Variants in PDCD1LG2 observed in about 807,000 individuals in gnomAD.
The protein encoded by PDCD1LG2 is B7 dendritic cell molecule.
A neutral mutation model predicts 28.2 loss-of-function variants in PDCD1LG2; 32 were observed. The ratio of observed to expected loss-of-function variants is 1.13; its 90% CI spans 0.86 to 1.52. The LOEUF (loss-of-function observed/expected upper bound fraction) is 1.52, where lower values mean the gene tolerates loss of function less well. Among genes scored for constraint, PDCD1LG2 ranks in the 40% most tolerant of loss-of-function variants. PDCD1LG2 has a pLI of 0.00. For synonymous variants in PDCD1LG2, 116 were observed against 120.2 expected, an observed-to-expected ratio of 0.97 and a Z score of 0.23; for missense variants, 385 against 323.8, an observed-to-expected ratio of 1.19 and a Z score of -1.45.
At chr9:5,548,121 C>G (rs142096015) in intron 3 of PDCD1LG2, among the ~76,000 whole-genome samples, 2 of 152,044 alleles carry the variant, frequency 1.3e-5, no homozygotes, top group South Asian at 4.1e-4. Context: ...GGCAATAGAT[C>G]ACTAAAACAT....
chr9:5,534,647 T>A (rs1563825504), intron 2 of PDCD1LG2, 98 bp from the exon 3 acceptor site: 2 of 1,121,094 alleles, frequency 1.8e-6, no homozygotes, highest in East Asian at 4.9e-5. Flanking sequence ...AGGTGCCTTT[T>A]GGAAAATGGG....
At chr9:5,523,548 C>T (rs963932779) in intron 2 of PDCD1LG2, among the ~76,000 whole-genome samples, 6 of 152,220 alleles carry the variant, frequency 3.9e-5, no homozygotes, top group Non-Finnish European at 8.8e-5. Flanking sequence ...TAGAGACATG[C>T]ACTTGGGGCC....
chr9:5,534,430 TG>T (rs1354000623), intron 2 of PDCD1LG2, among the ~76,000 whole-genome samples: 1 of 151,882 alleles, frequency 6.6e-6, no homozygotes, highest in Non-Finnish European at 1.5e-5. Flanking sequence ...GGACTGGAGG[TG>T]GGAGAGGCCT....
In PDCD1LG2 at chr9:5,534,924, C is replaced by G. The variant is rs56072800; in HGVS notation, c.235C>G (p.Gln79Glu). 5.1e-3 allele frequency: 8,210 copies of G among 1,614,104 alleles called. 27 individuals carry two copies. The highest frequency in any genetic ancestry group is 6.2e-3 in the Non-Finnish European group (7,266 of 1,180,010). The change falls in exon 3 of 7, where the codon CAG (glutamine) becomes GAG (glutamate). Residue 79 changes from glutamine (Q) to glutamate (E), a missense_variant. By Grantham distance (29) the Gln-to-Glu change is conservative (BLOSUM62 2). Transcript: ENST00000397747. Reference sequence around the variant, plus strand: ...TGAAAGAGCCACTTTGCTGGAGGAGCAGCTGCCCCTAGGGAAGGCCTCGTT... The same window carrying G: ...TGAAAGAGCCACTTTGCTGGAGGAGGAGCTGCCCCTAGGGAAGGCCTCGTT... The part of the protein sequence containing the change: ...HRERATLLEE[Q>E]LPLGKASFHI...
chr9:5,542,272 C>T (rs1409268165), intron 3 of PDCD1LG2, among the ~76,000 whole-genome samples: 1 of 152,152 alleles, frequency 6.6e-6, no homozygotes, highest in Non-Finnish European at 1.5e-5. Context: ...TTAGCTTAGG[C>T]AAAGACTTCG....
At chr9:5,541,930 C>A (rs1381390786) in intron 3 of PDCD1LG2, among the ~76,000 whole-genome samples, 2 of 152,150 alleles carry the variant, frequency 1.3e-5, no homozygotes, top group Admixed American at 6.5e-5. Flanking sequence ...TAACTTCAAA[C>A]CATACTATAA....
chr9:5,532,289 C>T (rs972921975), intron 2 of PDCD1LG2, among the ~76,000 whole-genome samples: 9 of 152,172 alleles, frequency 5.9e-5, no homozygotes, highest in Admixed American at 4.6e-4. Context: ...TAGAAAGGCA[C>T]ATTAATGTTC....
rs955093185 is a variant in PDCD1LG2 at position 5,570,195 on chromosome 9, T to G, written c.*236T>G. 2 of 479,352 alleles carry G rather than the reference T, an allele frequency of 4.2e-6. No individual in the cohort carries two copies. The highest frequency in any genetic ancestry group is 5.9e-5 in the East Asian group (2 of 34,024). 29.7% of individuals were successfully genotyped at this position (479,352 alleles called of 1,614,324 possible). A position where few individuals can be genotyped will look rare whatever the true frequency, so the allele number is the denominator to read the frequency against. ...GCCTATGGCTTTAAGCAAGCACTAC[T>G]GCACTTTACAGAATTACCCCACTGG... is the stretch of plus-strand genomic sequence containing the variant. On this transcript the variant is annotated 3_prime_UTR_variant, in exon 7 of 7. Transcript: ENST00000397747.
intron 4 of PDCD1LG2, among the ~76,000 whole-genome samples, chr9:5,553,296 G>T (rs1267300160): frequency 2.0e-5 from 3 of 152,190 alleles, no homozygotes; most frequent in Admixed American, 2.0e-4. Flanking sequence ...CCTCATGAAA[G>T]ATGAACTCTA....
chr9:5,531,848 A>G (rs1263083285), intron 2 of PDCD1LG2, among the ~76,000 whole-genome samples: 3 of 152,246 alleles, frequency 2.0e-5, no homozygotes, highest in Non-Finnish European at 4.4e-5. Context: ...AAACAAGAGA[A>G]GTATTATAGA....
intron 4 of PDCD1LG2, among the ~76,000 whole-genome samples, chr9:5,552,014 C>T (rs1816344650): frequency 6.6e-6 from 1 of 152,190 alleles, no homozygotes; most frequent in South Asian, 2.1e-4. Flanking sequence ...CCTCACCTAA[C>T]ACCCCAGATG....
chr9:5,559,539 T>A lies in PDCD1LG2; in HGVS notation c.766+1787T>A, dbSNP rs528375108. ...TTTCTGACCTTGTACAAATTGCCTATCTTCTTTGAGATGGTCTTTCTATCT... is the reference window on the plus strand; with the variant it reads ...TTTCTGACCTTGTACAAATTGCCTAACTTCTTTGAGATGGTCTTTCTATCT... On this transcript the variant is annotated intron_variant, in intron 5 of 6. Transcript: ENST00000397747. Among the ~76,000 whole-genome samples the A allele has an allele frequency of 5.9e-5, 9 of 152,284 alleles. No individual in the cohort carries two copies. The East Asian group carries it at 1.7e-3, about 29-fold the overall frequency.
chr9:5,510,945 G>A (rs922528960), intron 1 of PDCD1LG2, 142 bp downstream of exon 1: 1 of 152,532 alleles, frequency 6.6e-6, no homozygotes, highest in African/African-American at 2.4e-5. Flanking sequence ...TTGTGCTGAG[G>A]GGCACAAATA....
chr9:5,565,449 G>T (rs544288381), intron 6 of PDCD1LG2, among the ~76,000 whole-genome samples: 144 of 152,308 alleles, frequency 9.5e-4, no homozygotes, highest in Non-Finnish European at 1.8e-3. Flanking sequence ...CTCCCAAAGT[G>T]CTGGGATTCC....
chr9:5,518,107 C>T (rs546805741), intron 1 of PDCD1LG2, among the ~76,000 whole-genome samples: 16 of 152,292 alleles, frequency 1.1e-4, no homozygotes, highest in South Asian at 2.1e-4. Context: ...GTGGGTGTTG[C>T]TACTATTAGC....
chr9:5,568,975 A>T (rs1345663574), intron 6 of PDCD1LG2, among the ~76,000 whole-genome samples: 4 of 152,200 alleles, frequency 2.6e-5, no homozygotes, highest in African/African-American at 9.7e-5. Context: ...GAAGAAATGG[A>T]AACAGCAAAC....
At chr9:5,546,567 A>G (rs1217209783) in intron 3 of PDCD1LG2, among the ~76,000 whole-genome samples, 1 of 152,198 alleles carries the variant, frequency 6.6e-6, no homozygotes, top group African/African-American at 2.4e-5. Flanking sequence ...AGGCTGCTTC[A>G]GTGTCTGAAT....
intron 2 of PDCD1LG2, among the ~76,000 whole-genome samples, chr9:5,529,444 T>C (rs1232171847): frequency 1.3e-5 from 2 of 152,250 alleles, no homozygotes; most frequent in African/African-American, 4.8e-5. Flanking sequence ...TGAATCTTCA[T>C]CAAAATCAAT....
At chr9:5,546,254 T>C (rs548975539) in intron 3 of PDCD1LG2, among the ~76,000 whole-genome samples, 27 of 152,218 alleles carry the variant, frequency 1.8e-4, no homozygotes, top group African/African-American at 6.0e-4. Context: ...CAAGATCAGT[T>C]TCTTGGTCCA....
Sources: allele counts gnomAD v4.1 joint callset (sites outside exome capture counted in the v4.1 genomes callset), GRCh38; gene constraint gnomAD v4.1.1; transcripts MANE v1.5; gene names NCBI Gene and HGNC (gene_info 2026-07-23, HGNC 2026-07-21).